FAM227B: variants seen among roughly 807,000 people sequenced by gnomAD.
The protein encoded by FAM227B is family with sequence similarity 227 member B, also known as protein FAM227B.
In FAM227B, 88 loss-of-function variants were observed where a neutral mutation model predicts 73.8. That is an observed-to-expected ratio of 1.19 (90% CI 1.00 to 1.42). The LOEUF (loss-of-function observed/expected upper bound fraction) is 1.42. Ranked by LOEUF, FAM227B falls within the 40% of genes most tolerant of loss-of-function variation. The pLI is 0.00. For missense variants in FAM227B, 632 were observed against 590.9 expected (o/e 1.07, Z -0.72); for synonymous variants, 210 against 190.5 (o/e 1.10, Z -0.84).
chr15:49,579,331 A>G (rs950672179), intron 5 of FAM227B, among the ~76,000 whole-genome samples: 2 of 152,196 alleles, frequency 1.3e-5, no homozygotes, highest in Non-Finnish European at 2.9e-5. Context: ...AGGAAATCAA[A>G]GGGATACCTG....
chr15:49,524,991 G>T (rs1189869985), intron 10 of FAM227B, among the ~76,000 whole-genome samples: 2 of 152,176 alleles, frequency 1.3e-5, no homozygotes, highest in Admixed American at 1.3e-4. Flanking sequence ...AGGCAGAAGG[G>T]GCTTGCCTTG....
intron 11 of FAM227B, chr15:49,485,931 G>A (rs2056368675): frequency 6.6e-6 from 1 of 151,976 alleles, no homozygotes; most frequent in Non-Finnish European, 1.5e-5. Context: ...AGAGCACAAT[G>A]CCCAAAATAG....
intron 9 of FAM227B, among the ~76,000 whole-genome samples, chr15:49,558,233 AG>A (rs559834428): frequency 2.4e-3 from 365 of 152,286 alleles, no homozygotes; most frequent in African/African-American, 8.3e-3. Context: ...CTTGCAAGGC[AG>A]GGCTTGCCAA....
intron 12 of FAM227B, among the ~76,000 whole-genome samples, chr15:49,370,073 G>T (rs1057387793): frequency 6.6e-6 from 1 of 152,184 alleles, no homozygotes; most frequent in Non-Finnish European, 1.5e-5. Context: ...GCCTTCACCA[G>T]AAAACCAAAT....
At chr15:49,449,022 AT>A (rs1291121991) in intron 11 of FAM227B, among the ~76,000 whole-genome samples, 1 of 151,866 alleles carries the variant, frequency 6.6e-6, no homozygotes, top group Non-Finnish European at 1.5e-5. Context: ...GAGAAATAAC[AT>A]TCTTTTCTGT....
chr15:49,504,097 T>TA lies in FAM227B; in HGVS notation c.1012+4113dup, dbSNP rs1178190142. Among the ~76,000 whole-genome samples, 5 of 151,984 alleles carry TA rather than the reference T, an allele frequency of 3.3e-5. No individual in the cohort carries two copies. In the East Asian group the frequency reaches 9.7e-4, roughly 29 times the overall value. ...TACACCATGGAATACTATGCAGCCA[T>TA]AAAAAATGATCAGTTCATGTCCTTT... On this transcript the variant is annotated intron_variant, in intron 11 of 15. Coordinates refer to ENST00000299338, the MANE Select transcript of FAM227B (RefSeq NM_152647.3).
intron 11 of FAM227B, among the ~76,000 whole-genome samples, chr15:49,408,938 G>T (rs1221793113): frequency 6.6e-6 from 1 of 152,070 alleles, no homozygotes; most frequent in Non-Finnish European, 1.5e-5. Context: ...TTTTAAAAAT[G>T]AATGAGTATA....
chr15:49,615,248 G>A lies in FAM227B; in HGVS notation c.-72-5C>T. The A allele has an allele frequency of 1.6e-6, 2 of 1,254,154 alleles. No individual in the cohort carries two copies. Among genetic ancestry groups the A allele is most frequent in the South Asian group, 2.4e-5 (2 of 83,848 alleles). The allele number at this position is 1,254,154 out of a possible 1,614,324, so 77.7% of individuals were successfully genotyped here. A position where few individuals can be genotyped will look rare whatever the true frequency, so the allele number is the denominator to read the frequency against. ...AATGTGAGTTGGGCGACCAAACTGG[G>A]GTATGAAAGACACCCAAATGCAAAA... On this transcript the variant is annotated splice_polypyrimidine_tract_variant and splice_region_variant and intron_variant, in intron 1 of 15. Transcript: ENST00000299338.
At chr15:49,541,035 A>T (rs1279013641) in intron 10 of FAM227B, among the ~76,000 whole-genome samples, 2 of 152,206 alleles carry the variant, frequency 1.3e-5, no homozygotes, top group Non-Finnish European at 2.9e-5. Context: ...TAACATTTAG[A>T]TTGAAATATT....
chr15:49,596,420 G>A (rs1229217831), intron 3 of FAM227B, among the ~76,000 whole-genome samples: 1 of 151,762 alleles, frequency 6.6e-6, no homozygotes, highest in Admixed American at 6.6e-5. Flanking sequence ...ATGAGAGAGA[G>A]ACTACCAAGC....
intron 11 of FAM227B, among the ~76,000 whole-genome samples, chr15:49,440,329 C>T (rs1198805563): frequency 6.6e-6 from 1 of 151,596 alleles, no homozygotes; most frequent in Non-Finnish European, 1.5e-5. Context: ...TGATATATTT[C>T]TTATAAGTAA....
chr15:49,607,349 T>C (rs1009769259), intron 3 of FAM227B, among the ~76,000 whole-genome samples: 1 of 152,128 alleles, frequency 6.6e-6, no homozygotes, highest in Non-Finnish European at 1.5e-5. Context: ...TGGGAAAGTT[T>C]TCCAGCATTG....
Position 49,419,039 on chromosome 15 carries a change from C to A in FAM227B, c.1013-47640G>T, listed in dbSNP as rs2049412995. Among the ~76,000 whole-genome samples, 4 of 152,116 alleles carry A rather than the reference C, an allele frequency of 2.6e-5. No individual in the cohort carries two copies. In the South Asian group the frequency reaches 8.3e-4, roughly 32 times the overall value. On this transcript the variant is annotated intron_variant, in intron 11 of 15. Transcript: ENST00000299338. ...GTTGAGTCATTCGTCTACCCTGATT[C>A]CTCTTCTGGGGTATTCATTCACTCT...
intron 10 of FAM227B, among the ~76,000 whole-genome samples, chr15:49,513,299 G>C (rs1411302786): frequency 1.3e-5 from 2 of 152,042 alleles, no homozygotes; most frequent in Middle Eastern, 3.2e-3. Context: ...CCACCATTCT[G>C]ACTGGTGTGA....
At chr15:49,339,963 TCCC>T (rs1231378284) in intron 13 of FAM227B, among the ~76,000 whole-genome samples, 7 of 151,966 alleles carry the variant, frequency 4.6e-5, no homozygotes, top group Non-Finnish European at 1.0e-4. Flanking sequence ...TGGACACCCC[TCCC>T]CCCACCAAGC....
Position 49,415,278 on chromosome 15 carries a change from C to A in FAM227B, c.1013-43879G>T, listed in dbSNP as rs534978796. On this transcript the variant is annotated intron_variant, in intron 11 of 15. Transcript: ENST00000299338. ...CAATTTAGAGCTAACAATGTAATAA[C>A]CTCAATTGCACAAGGTCTTTGTGTT... Among the ~76,000 whole-genome samples, 5 of 152,228 alleles carry A rather than the reference C, an allele frequency of 3.3e-5. No homozygotes were observed. In the South Asian group the frequency reaches 8.3e-4, roughly 25 times the overall value.
chr15:49,365,865 A>G (rs1596587047), intron 13 of FAM227B: 1 of 911,784 alleles, frequency 1.1e-6, no homozygotes. Flanking sequence ...TGCATTGTCC[A>G]TATGGCATCT....
rs755679971 is a variant in FAM227B at position 49,328,061 on chromosome 15, G to A, written c.*507C>T. ...CAGCTTTCTAGCAAATGTGCACAAAGCTTATTACCAGAGGAGTGATGGAAG... is the reference window on the plus strand; with the variant it reads ...CAGCTTTCTAGCAAATGTGCACAAAACTTATTACCAGAGGAGTGATGGAAG... On this transcript the variant is annotated 3_prime_UTR_variant, in exon 16 of 16. Coordinates refer to ENST00000299338, the MANE Select transcript of FAM227B (RefSeq NM_152647.3). 62 of 1,613,956 alleles carry A rather than the reference G, an allele frequency of 3.8e-5. No individual in the cohort carries two copies. The highest frequency in any genetic ancestry group is 2.2e-4 in the Admixed American group (13 of 59,996).
At chr15:49,379,108 CATAT>C (rs1355495330) in intron 11 of FAM227B, among the ~76,000 whole-genome samples, 32 of 152,136 alleles carry the variant, frequency 2.1e-4, no homozygotes, top group African/African-American at 7.5e-4. Flanking sequence ...GATCGATTTG[CATAT>C]GTTGAACCAT....
Sources: gnomAD v4.1 joint callset for allele counts (sites outside exome capture counted in the v4.1 genomes callset) on GRCh38, gnomAD v4.1.1 for gene constraint, MANE v1.5 for transcripts, NCBI Gene and HGNC (gene_info 2026-07-23, HGNC 2026-07-21) for gene names.